TTC12: variants seen among roughly 807,000 people sequenced by gnomAD.
The protein encoded by TTC12 is tetratricopeptide repeat domain 12, also known as tetratricopeptide repeat protein 12.
In TTC12, 70 loss-of-function variants were observed where a neutral mutation model predicts 90.1. That is an observed-to-expected ratio of 0.78 (90% confidence interval 0.64 to 0.95). The LOEUF (loss-of-function observed/expected upper bound fraction) is 0.95, where lower values mean the gene tolerates loss of function less well. Among genes scored for constraint, TTC12 ranks in the 40% least tolerant of loss-of-function variants. The pLI is 0.00. For missense variants in TTC12, 819 were observed against 846.1 expected, an observed-to-expected ratio of 0.97 and a Z score of 0.40; for synonymous variants, 296 against 311.5, an observed-to-expected ratio of 0.95 and a Z score of 0.53.
intron 7 of TTC12, 33 bp from the exon 8 acceptor site, chr11:113,334,932 TA>T: frequency 8.2e-6 from 13 of 1,579,706 alleles, no homozygotes; most frequent in Non-Finnish European, 1.1e-5. Flanking sequence ...TCACATCTTC[TA>T]AAACTTCTGA....
At chr11:113,363,738 AC>A in intron 19 of TTC12, 89 bp from the exon 20 acceptor site, 1 of 852,732 alleles carries the variant, frequency 1.2e-6, no homozygotes, top group African/African-American at 1.7e-5. Context: ...TTAGGAAGCC[AC>A]TAGCGCTATA....
chr11:113,341,727 C>G, intron 11 of TTC12, 110 bp from the exon 12 acceptor site: 1 of 861,568 alleles, frequency 1.2e-6, no homozygotes. Context: ...TAAAACTATA[C>G]TTTCTCAAAC....
At position 113,325,233 on chromosome 11, in the gene TTC12, C is replaced by T. The variant is rs116506751; in HGVS notation, c.323-291C>T. Among the ~76,000 whole-genome samples the T allele has an allele frequency of 3.3e-3, 495 of 152,030 alleles. 2 individuals are homozygous for T. Among genetic ancestry groups the T allele is most frequent in the African/African-American group, 0.011 (461 of 41,454 alleles). On this transcript the variant is annotated intron_variant, in intron 5 of 21. Coordinates refer to ENST00000529221, the MANE Select transcript of TTC12 (RefSeq NM_017868.4). Reference sequence around the variant, plus strand: ...TTATTTGACCCTCTTTATGAGACACCGAATGCACAGATTTGGTCTCTGTGG... The same window carrying T: ...TTATTTGACCCTCTTTATGAGACACTGAATGCACAGATTTGGTCTCTGTGG...
chr11:113,335,846 T>C (rs1279880289), intron 8 of TTC12, among the ~76,000 whole-genome samples: 1 of 152,222 alleles, frequency 6.6e-6, no homozygotes, highest in Non-Finnish European at 1.5e-5. Context: ...TTGGGTTGTT[T>C]CCACTTTTTG....
Position 113,325,505 on chromosome 11 carries a change from G to A in TTC12, c.323-19G>A. The stretch of plus-strand genomic sequence containing the variant: ...TGATGTGTGGTGAGAGCTCACCTGT[G>A]TAACTTATATTCCCATAGCCCTAAA... On this transcript the variant is annotated intron_variant, in intron 5 of 21. Transcript: ENST00000529221. The A allele has an allele frequency of 3.1e-6, 5 of 1,613,384 alleles. No individual in the cohort carries two copies. Among genetic ancestry groups the A allele is most frequent in the Non-Finnish European group, 4.2e-6 (5 of 1,179,504 alleles).
At chr11:113,328,741 C>G (rs1414289662) in intron 6 of TTC12, among the ~76,000 whole-genome samples, 2 of 152,132 alleles carry the variant, frequency 1.3e-5, no homozygotes, top group Non-Finnish European at 2.9e-5. Context: ...ATTTCATCAT[C>G]ATCCCCCAAA....
chr11:113,366,483 T>G, downstream of TTC12: 5 of 1,042,692 alleles, frequency 4.8e-6, no homozygotes, highest in Non-Finnish European at 6.8e-6. Flanking sequence ...TGGTGGGCTC[T>G]GTGCACTGGC....
At chr11:113,325,369 C>G (rs554988806) in intron 5 of TTC12, among the ~76,000 whole-genome samples, 155 bp from the exon 6 acceptor site, 1 of 152,042 alleles carries the variant, frequency 6.6e-6, no homozygotes, top group African/African-American at 2.4e-5. Flanking sequence ...AGAAGCTGGT[C>G]CTGAAGTATC....
At chr11:113,352,998 C>G (rs944276804) in intron 16 of TTC12, among the ~76,000 whole-genome samples, 1 of 151,894 alleles carries the variant, frequency 6.6e-6, no homozygotes, top group Non-Finnish European at 1.5e-5. Flanking sequence ...CAAATGGTAT[C>G]TCTGTGTCAA....
At chr11:113,372,485 T>G (rs1158645406) in intron 21 of TTC12, among the ~76,000 whole-genome samples, 1 of 152,206 alleles carries the variant, frequency 6.6e-6, no homozygotes, top group Admixed American at 6.5e-5. Context: ...CGTGCATGCG[T>G]GTCTGTAGGG....
chr11:113,327,786 A>G (rs1947782740), intron 6 of TTC12, among the ~76,000 whole-genome samples: 2 of 152,174 alleles, frequency 1.3e-5, no homozygotes, highest in South Asian at 4.1e-4. Flanking sequence ...CACATCCTCT[A>G]ATTTTCAAAT....
At chr11:113,370,122 G>A (rs574189922), downstream of TTC12, among the ~76,000 whole-genome samples, 145 of 152,296 alleles carry the variant, frequency 9.5e-4, 5 homozygotes, top group South Asian at 0.028. Flanking sequence ...GGGTAGCAGC[G>A]CTCCTTGTCA....
chr11:113,368,619 G>A (rs113370870), downstream of TTC12: 14,301 of 937,312 alleles, frequency 0.015, 1,390 homozygotes, highest in African/African-American at 0.21. Context: ...CATACATGAC[G>A]TGAGGACGGT....
intron 13 of TTC12, among the ~76,000 whole-genome samples, chr11:113,348,465 A>C (rs1949090810): frequency 6.6e-6 from 1 of 152,116 alleles, no homozygotes; most frequent in African/African-American, 2.4e-5. Context: ...CTGCTGCCTC[A>C]GTCTGGTCCC....
chr11:113,349,544 A>G (rs1415386745), intron 13 of TTC12, among the ~76,000 whole-genome samples: 6 of 152,252 alleles, frequency 3.9e-5, no homozygotes, highest in African/African-American at 1.2e-4. Context: ...GGAACCAGTT[A>G]TAAACCAGGT....
intron 2 of TTC12, among the ~76,000 whole-genome samples, chr11:113,316,668 G>C (rs1364798574): frequency 6.6e-6 from 1 of 152,238 alleles, no homozygotes; most frequent in Non-Finnish European, 1.5e-5. Flanking sequence ...ATCAGTGTGA[G>C]ATTCCTCCCG....
chr11:113,359,599 G>A (rs1307828342), intron 17 of TTC12, 138 bp downstream of exon 17: 1 of 662,666 alleles, frequency 1.5e-6, no homozygotes, highest in Non-Finnish European at 2.7e-6. Flanking sequence ...AAAGGCTGGA[G>A]GGATGCGCTC....
Position 113,325,570 on chromosome 11 carries a change from A to C in TTC12, c.369A>C (p.Glu123Asp), listed in dbSNP as rs547169936. ...AAGCATTTGCTGAAGGCAATTATGA[A>C]ACAGCTATCCTGCGCTACAGTGAGG... ...GNEAFAEGNY[E>D]TAILRYSEGL... is the part of the protein sequence containing the mutation. Residue 123 changes from glutamate to aspartate, a missense_variant, in exon 6 of 22, where the codon GAA (glutamate) becomes GAC (aspartate). Coordinates refer to ENST00000529221, the MANE Select transcript of TTC12 (RefSeq NM_017868.4). 7 of 1,614,022 alleles carry C rather than the reference A, an allele frequency of 4.3e-6. No individual in the cohort carries two copies. The South Asian group carries it at 5.5e-5, about 13-fold the overall frequency.
At chr11:113,366,499 C>G (rs924354739), downstream of TTC12, 1 of 850,664 alleles carries the variant, frequency 1.2e-6, no homozygotes, top group Non-Finnish European at 1.7e-6. Context: ...CTGGCTTACT[C>G]GACTTCCATT....
Sources: gnomAD v4.1 joint callset for allele counts (sites outside exome capture counted in the v4.1 genomes callset) on GRCh38, gnomAD v4.1.1 for gene constraint, MANE v1.5 for transcripts, NCBI Gene and HGNC (gene_info 2026-07-23, HGNC 2026-07-21) for gene names.